The following VPS13B variants were observed in gnomAD, a reference collection of about 807,000 sequenced individuals.
VPS13B encodes vacuolar protein sorting 13 homolog B.
VPS13B carries 285 observed loss-of-function variants against 426.4 expected under a neutral mutation model. That is an observed-to-expected ratio of 0.67 (90% confidence interval 0.61 to 0.74). The LOEUF (loss-of-function observed/expected upper bound fraction) is 0.74. VPS13B is among the 30% of genes least tolerant of loss of function. VPS13B has a pLI of 0.00. For missense variants in VPS13B, 4,537 were observed against 4,782.6 expected (o/e 0.95, Z 1.51); for synonymous variants, 1,676 against 1,676.4 (o/e 1.00, Z 0.01).
intron 17 of VPS13B, among the ~76,000 whole-genome samples, chr8:99,272,461 G>T (rs1236908803): frequency 6.6e-6 from 1 of 152,128 alleles, no homozygotes; most frequent in African/African-American, 2.4e-5. Flanking sequence ...ATGAGATAAT[G>T]TACATAACAC....
intron 36 of VPS13B, among the ~76,000 whole-genome samples, chr8:99,715,674 G>C (rs957690903): frequency 6.6e-6 from 1 of 152,240 alleles, no homozygotes; most frequent in African/African-American, 2.4e-5. Context: ...TGTCACTGTG[G>C]GGTTGTACAA....
intron 12 of VPS13B, among the ~76,000 whole-genome samples, chr8:99,138,957 A>G (rs1810237173): frequency 6.6e-6 from 1 of 152,118 alleles, no homozygotes; most frequent in African/African-American, 2.4e-5. Flanking sequence ...TAGAAACATG[A>G]TTTATGTTTG....
At chr8:99,815,403 A>G (rs1813970658) in intron 44 of VPS13B, among the ~76,000 whole-genome samples, 1 of 152,118 alleles carries the variant, frequency 6.6e-6, no homozygotes, top group African/African-American at 2.4e-5. Context: ...TCAAGCAGTC[A>G]GGCAAAATGA....
At chr8:99,233,272 C>G in intron 17 of VPS13B, 1 of 1,168,736 alleles carries the variant, frequency 8.6e-7, no homozygotes, top group Non-Finnish European at 1.3e-6. Flanking sequence ...GCCACCTTTG[C>G]CAATCACCCG....
intron 25 of VPS13B, 48 bp from the exon 26 acceptor site, chr8:99,501,639 A>T (rs768320723): frequency 1.3e-6 from 2 of 1,565,772 alleles, no homozygotes; most frequent in Non-Finnish European, 1.8e-6. Context: ...ATTTTCTGTT[A>T]TTTTTGTTTA....
chr8:99,471,092 A>G (rs773034532), intron 24 of VPS13B, among the ~76,000 whole-genome samples: 1 of 152,136 alleles, frequency 6.6e-6, no homozygotes, highest in Non-Finnish European at 1.5e-5. Flanking sequence ...CCATTTTTAG[A>G]TGAAGAAAAG....
At chr8:99,515,630 G>A (rs1042573040) in intron 29 of VPS13B, among the ~76,000 whole-genome samples, 5 of 151,918 alleles carry the variant, frequency 3.3e-5, no homozygotes, top group African/African-American at 1.2e-4. Context: ...GGAATCCTTT[G>A]CAAATATGCA....
At chr8:99,348,820 A>G (rs1217717411) in intron 19 of VPS13B, among the ~76,000 whole-genome samples, 1 of 152,160 alleles carries the variant, frequency 6.6e-6, no homozygotes, top group Non-Finnish European at 1.5e-5. Flanking sequence ...ATGTTAATAT[A>G]TAGTTAAAAT....
rs541954869 is a variant in VPS13B at position 99,439,516 on chromosome 8, T to C, written c.3211-2885T>C. Reference sequence around the variant, plus strand: ...ATGAAATGCAACATACAATGTTCCTTTATTTTTGTTTTTTATTTGAAACTC... The same window carrying C: ...ATGAAATGCAACATACAATGTTCCTCTATTTTTGTTTTTTATTTGAAACTC... On this transcript the variant is annotated intron_variant, in intron 22 of 61. Coordinates refer to ENST00000357162, the MANE Select transcript of VPS13B (RefSeq NM_152564.5). Among the ~76,000 whole-genome samples the C allele has an allele frequency of 5.3e-5, 8 of 152,200 alleles. No homozygotes were observed. In the East Asian group the frequency reaches 1.5e-3, roughly 29 times the overall value.
chr8:99,333,986 T>C (rs1336410012), intron 19 of VPS13B, among the ~76,000 whole-genome samples: 5 of 151,998 alleles, frequency 3.3e-5, no homozygotes, highest in Non-Finnish European at 7.4e-5. Flanking sequence ...GACTTCTGTA[T>C]TGTTTCTATT....
rs546368999 is a variant in VPS13B, at chr8:99,691,596, A to T, written c.6047-7929A>T. Among the ~76,000 whole-genome samples the T allele has an allele frequency of 2.6e-5, 4 of 152,060 alleles. No individual in the cohort carries two copies. In the East Asian group the frequency reaches 7.7e-4, roughly 29 times the overall value. ...TCAGCCGCTGCAAAATCATGCCAAA[A>T]TGTAAAGACCATCGAGACTAGGAAG... is the stretch of plus-strand genomic sequence containing the variant. On this transcript the variant is annotated intron_variant, in intron 35 of 61. Coordinates refer to ENST00000357162, the MANE Select transcript of VPS13B (RefSeq NM_152564.5).
At chr8:99,242,724 T>C (rs1237922126) in intron 17 of VPS13B, among the ~76,000 whole-genome samples, 3 of 152,234 alleles carry the variant, frequency 2.0e-5, no homozygotes, top group African/African-American at 7.2e-5. Context: ...CTTATAGAAT[T>C]GCCTTATCAT....
chr8:99,057,796 G>A (rs1037773724), intron 3 of VPS13B, among the ~76,000 whole-genome samples: 5 of 152,064 alleles, frequency 3.3e-5, no homozygotes, highest in African/African-American at 4.8e-5. Context: ...CCCTGAGGTC[G>A]TCCTTAACTT....
intron 39 of VPS13B, among the ~76,000 whole-genome samples, chr8:99,741,250 G>A (rs959103030): frequency 3.7e-4 from 56 of 152,262 alleles, no homozygotes; most frequent in Middle Eastern, 3.4e-3. Flanking sequence ...ATGGTAAAGG[G>A]ATCAATTCAA....
chr8:99,566,777 G>A (rs1237734006), intron 31 of VPS13B, among the ~76,000 whole-genome samples: 4 of 151,956 alleles, frequency 2.6e-5, no homozygotes, highest in Non-Finnish European at 5.9e-5. Flanking sequence ...AAGAGAAGGG[G>A]CCAAACAGGA....
intron 19 of VPS13B, among the ~76,000 whole-genome samples, chr8:99,353,149 T>G (rs1811988143): frequency 6.6e-6 from 1 of 151,822 alleles, no homozygotes; most frequent in Non-Finnish European, 1.5e-5. Flanking sequence ...GCCTGGCTAA[T>G]TTTTTCATAT....
intron 16 of VPS13B, among the ~76,000 whole-genome samples, chr8:99,191,490 TCTC>T (rs1315212605): frequency 6.6e-6 from 1 of 150,418 alleles, no homozygotes; most frequent in Non-Finnish European, 1.5e-5. Flanking sequence ...TTTAAGCAAT[TCTC>T]CTGCCTCAGG....
intron 23 of VPS13B, among the ~76,000 whole-genome samples, chr8:99,457,278 C>A (rs191270059): frequency 2.0e-5 from 3 of 152,226 alleles, no homozygotes; most frequent in East Asian, 3.9e-4. Flanking sequence ...ATGGTCCGCC[C>A]GCTTTGGCCT....
chr8:99,263,055 A>G (rs1456092409), intron 17 of VPS13B, among the ~76,000 whole-genome samples: 1 of 152,128 alleles, frequency 6.6e-6, no homozygotes, highest in South Asian at 2.1e-4. Context: ...GATTATAGGC[A>G]TGAGCTTCAT....
Sources: allele counts gnomAD v4.1 joint callset (sites outside exome capture counted in the v4.1 genomes callset), GRCh38; gene constraint gnomAD v4.1.1; transcripts MANE v1.5; gene names NCBI Gene and HGNC (gene_info 2026-07-23, HGNC 2026-07-21).